C8orf34: variants seen among roughly 807,000 people sequenced by gnomAD.
The protein encoded by C8orf34 is chromosome 8 open reading frame 34.
Under a neutral mutation model 68.3 loss-of-function variants are expected in C8orf34, and 65 were observed. The observed-to-expected ratio is 0.95, with a 90% CI of 0.78 to 1.17. C8orf34 has a LOEUF of 1.17. C8orf34 is among the 50% of genes most tolerant of loss of function. The probability of loss-of-function intolerance (pLI) is 0.00; values close to 1 mark genes in which losing one functional copy is unlikely to be tolerated. For missense variants in C8orf34, 664 were observed against 655.4 expected, an observed-to-expected ratio of 1.01 and a Z score of -0.14; for synonymous variants, 244 against 241.2, an observed-to-expected ratio of 1.01 and a Z score of -0.11.
rs573765785 is a variant in C8orf34, at chr8:68,533,576, A to C, written c.1105+427A>C. 3 of 985,980 alleles carry C rather than the reference A, an allele frequency of 3.0e-6. No individual in the cohort carries two copies. The African/African-American group carries it at 5.2e-5, about 17-fold the overall frequency. 61.1% of individuals were successfully genotyped at this position (985,980 alleles called of 1,614,324 possible). A position where few individuals can be genotyped will look rare whatever the true frequency, so the allele number is the denominator to read the frequency against. On this transcript the variant is annotated intron_variant, in intron 7 of 13. Coordinates refer to ENST00000518698, the MANE Select transcript of C8orf34 (RefSeq NM_052958.4). ...TTTTGAGGATGCTTTAGAAAAATAG[A>C]ATAAAGTTGAAAGGGGCAGATAGTA...
rs79336748 is a variant in C8orf34 at position 68,387,086 on chromosome 8, T to G, written c.328-52413T>G. Among the ~76,000 whole-genome samples, 384 of 152,060 alleles carry G rather than the reference T, an allele frequency of 2.5e-3. 1 individual carries two copies. The highest frequency in any genetic ancestry group is 4.7e-3 in the Non-Finnish European group (319 of 67,992). On this transcript the variant is annotated intron_variant, in intron 1 of 13. Transcript: ENST00000518698. Reference sequence around the variant, plus strand: ...TGGAGACCCACATGCAGTGTTTTCTTGGAGAAGTAGTTTGGTGTATCTGGC... The same window carrying G: ...TGGAGACCCACATGCAGTGTTTTCTGGGAGAAGTAGTTTGGTGTATCTGGC...
intron 8 of C8orf34, among the ~76,000 whole-genome samples, chr8:68,657,180 A>C (rs1819534019): frequency 6.6e-6 from 1 of 152,188 alleles, no homozygotes; most frequent in Non-Finnish European, 1.5e-5. Flanking sequence ...AAACGTATCC[A>C]AATACTCACT....
chr8:68,489,002 T>C (rs1292691624), intron 5 of C8orf34, among the ~76,000 whole-genome samples: 1 of 148,172 alleles, frequency 6.7e-6, no homozygotes, highest in African/African-American at 2.5e-5. Flanking sequence ...TTTTTTAAAA[T>C]AGCAGTGATT....
intron 10 of C8orf34, among the ~76,000 whole-genome samples, chr8:68,725,566 T>G (rs1821806024): frequency 6.6e-6 from 1 of 152,254 alleles, no homozygotes; most frequent in Non-Finnish European, 1.5e-5. Flanking sequence ...TATTAAGTGC[T>G]TCACATATTT....
chr8:68,392,041 A>T (rs1464625117), intron 1 of C8orf34, among the ~76,000 whole-genome samples: 1 of 152,174 alleles, frequency 6.6e-6, no homozygotes, highest in Non-Finnish European at 1.5e-5. Context: ...CTTTGTTGGT[A>T]AAGGGTAGCT....
intron 4 of C8orf34, among the ~76,000 whole-genome samples, chr8:68,473,885 C>G (rs1325379275): frequency 6.6e-6 from 1 of 152,110 alleles, no homozygotes; most frequent in Non-Finnish European, 1.5e-5. Flanking sequence ...AGTTGTAACC[C>G]TGTTGATTAC....
intron 10 of C8orf34, among the ~76,000 whole-genome samples, chr8:68,744,960 A>G (rs1430224191): frequency 6.6e-6 from 1 of 152,140 alleles, no homozygotes; most frequent in African/African-American, 2.4e-5. Context: ...AAATGAAGGA[A>G]AAAATGTTAA....
intron 7 of C8orf34, among the ~76,000 whole-genome samples, chr8:68,537,296 A>G (rs1050181176): frequency 2.0e-5 from 3 of 152,018 alleles, no homozygotes; most frequent in African/African-American, 7.2e-5. Flanking sequence ...ATAATCTAAA[A>G]CACAAGGGAC....
At chr8:68,451,549 T>C (rs1262223999) in intron 3 of C8orf34, among the ~76,000 whole-genome samples, 2 of 151,966 alleles carry the variant, frequency 1.3e-5, no homozygotes, top group African/African-American at 4.8e-5. Context: ...TTCAAAATTG[T>C]TGTGTTTCAG....
At position 68,790,812 on chromosome 8, in the gene C8orf34, C is replaced by G. The variant is rs1035171878; in HGVS notation, c.1549+3276C>G. On this transcript the variant is annotated intron_variant, in intron 12 of 13. Transcript: ENST00000518698. Reference sequence around the variant, plus strand: ...ACACTCATATTCTGGGACTCTATTTCAGACCTACTAAATCAGAATCTCTGT... The same window carrying G: ...ACACTCATATTCTGGGACTCTATTTGAGACCTACTAAATCAGAATCTCTGT... The G allele has an allele frequency of 7.2e-6, 5 of 698,170 alleles. No individual in the cohort carries two copies. The African/African-American group carries it at 8.8e-5, about 12-fold the overall frequency. 43.2% of individuals were successfully genotyped at this position (698,170 alleles called of 1,614,324 possible).
chr8:68,534,694 T>A, intron 7 of C8orf34: 2 of 985,384 alleles, frequency 2.0e-6, no homozygotes, highest in Non-Finnish European at 2.4e-6. Flanking sequence ...GCGATTGTGC[T>A]CCATAACTAT....
At chr8:68,786,619 T>C (rs182302182) in intron 11 of C8orf34, among the ~76,000 whole-genome samples, 417 of 152,202 alleles carry the variant, frequency 2.7e-3, no homozygotes, top group African/African-American at 9.5e-3. Context: ...AGGAAATGCA[T>C]TGTAGAGCTA....
chr8:68,593,471 T>A (rs980911820), intron 7 of C8orf34, among the ~76,000 whole-genome samples: 1 of 151,956 alleles, frequency 6.6e-6, no homozygotes, highest in Non-Finnish European at 1.5e-5. Context: ...AGTCTAGGGG[T>A]TTTTGTTCTC....
intron 7 of C8orf34, among the ~76,000 whole-genome samples, chr8:68,553,015 G>GTTTTA (rs1360477832): frequency 6.6e-6 from 1 of 151,878 alleles, no homozygotes; most frequent in East Asian, 1.9e-4. Flanking sequence ...TTGTTGTTTT[G>GTTTTA]TTTTATTTTA....
At chr8:68,474,994 T>C (rs1278163631) in intron 4 of C8orf34, among the ~76,000 whole-genome samples, 1 of 152,184 alleles carries the variant, frequency 6.6e-6, no homozygotes, top group Non-Finnish European at 1.5e-5. Flanking sequence ...GGGTATTCAG[T>C]GCCTCCATAG....
At chr8:68,698,030 G>A (rs184621156) in intron 8 of C8orf34, among the ~76,000 whole-genome samples, 21 of 152,050 alleles carry the variant, frequency 1.4e-4, no homozygotes, top group African/African-American at 4.3e-4. Context: ...GGGGTTTTCC[G>A]GAGTTCCTTT....
chr8:68,618,448 C>T (rs1818293149), intron 7 of C8orf34, among the ~76,000 whole-genome samples: 1 of 152,036 alleles, frequency 6.6e-6, no homozygotes, highest in South Asian at 2.1e-4. Context: ...TTCCCAGGCT[C>T]AACAGATCCT....
intron 1 of C8orf34, among the ~76,000 whole-genome samples, chr8:68,381,460 C>T (rs947193364): frequency 6.6e-6 from 1 of 152,076 alleles, no homozygotes; most frequent in African/African-American, 2.4e-5. Context: ...AGGCCGGGCG[C>T]GGTGGCTCAC....
At chr8:68,420,237 G>T (rs1329871110) in intron 1 of C8orf34, among the ~76,000 whole-genome samples, 1 of 151,318 alleles carries the variant, frequency 6.6e-6, no homozygotes, top group Non-Finnish European at 1.5e-5. Context: ...GGACTGTCAG[G>T]AGTAAGGATA....
Sources: gnomAD v4.1 joint callset for allele counts (sites outside exome capture counted in the v4.1 genomes callset) on GRCh38, gnomAD v4.1.1 for gene constraint, MANE v1.5 for transcripts, NCBI Gene and HGNC (gene_info 2026-07-23, HGNC 2026-07-21) for gene names.